XKR4: variants seen among roughly 807,000 people sequenced by gnomAD.
XKR4 encodes XK related 4, also known as XK-related protein 4.
A neutral mutation model predicts 53.9 loss-of-function variants in XKR4; 12 were observed. The ratio of observed to expected loss-of-function variants is 0.22; its 90% CI spans 0.14 to 0.36. The LOEUF is 0.36. Among genes scored for constraint, XKR4 ranks in the 10% least tolerant of loss-of-function variants. XKR4 has a pLI of 1.00. For synonymous variants in XKR4, 354 were observed against 362.4 expected (o/e 0.98, Z 0.26); for missense variants, 799 against 859.5 (o/e 0.93, Z 0.88).
At chr8:55,400,983 A>T (rs552977102) in intron 2 of XKR4, among the ~76,000 whole-genome samples, 2 of 152,356 alleles carry the variant, frequency 1.3e-5, no homozygotes, top group East Asian at 3.9e-4. Context: ...TAACTCAGAC[A>T]TACACACCTA....
chr8:55,265,846 G>A (rs1332467963), intron 1 of XKR4, among the ~76,000 whole-genome samples: 2 of 151,750 alleles, frequency 1.3e-5, no homozygotes, highest in Non-Finnish European at 2.9e-5. Context: ...TTAGCTGGGT[G>A]TGGTGGCATG....
At chr8:55,280,922 C>T (rs1384014568) in intron 1 of XKR4, among the ~76,000 whole-genome samples, 4 of 152,128 alleles carry the variant, frequency 2.6e-5, no homozygotes, top group Non-Finnish European at 5.9e-5. Context: ...ATTAAATCTT[C>T]CAATGAACAG....
chr8:55,392,986 G>A (rs1804463627), intron 2 of XKR4, among the ~76,000 whole-genome samples: 2 of 151,982 alleles, frequency 1.3e-5, no homozygotes, highest in African/African-American at 4.8e-5. Context: ...TTCCCCTGTT[G>A]ATGAGGGGAA....
At chr8:55,465,838 A>G (rs1805758782) in intron 2 of XKR4, among the ~76,000 whole-genome samples, 1 of 152,178 alleles carries the variant, frequency 6.6e-6, no homozygotes, top group African/African-American at 2.4e-5. Context: ...ATATGAACAG[A>G]CACTTCTCAA....
chr8:55,375,995 C>T (rs553620445), intron 2 of XKR4, among the ~76,000 whole-genome samples: 1 of 152,238 alleles, frequency 6.6e-6, no homozygotes, highest in East Asian at 1.9e-4. Context: ...TTTTCTGTTC[C>T]TATATTAGTT....
intron 1 of XKR4, among the ~76,000 whole-genome samples, chr8:55,340,208 T>G (rs1000598703): frequency 1.3e-5 from 2 of 152,136 alleles, no homozygotes; most frequent in Non-Finnish European, 2.9e-5. Context: ...TTAAAGTCCT[T>G]TATATTTGAA....
chr8:55,508,114 C>T (rs1806571750), intron 2 of XKR4, among the ~76,000 whole-genome samples: 1 of 152,004 alleles, frequency 6.6e-6, no homozygotes, highest in African/African-American at 2.4e-5. Context: ...ATACAAATTC[C>T]TAATTGAAAA....
intron 2 of XKR4, chr8:55,517,735 C>A (rs903665361): frequency 2.0e-5 from 3 of 152,176 alleles, no homozygotes; most frequent in African/African-American, 7.2e-5. Context: ...CCAGGTCGGG[C>A]CTTCCAAGCT....
intron 1 of XKR4, among the ~76,000 whole-genome samples, chr8:55,250,582 C>T (rs114183562): frequency 0.015 from 2,282 of 152,256 alleles, 62 homozygotes; most frequent in African/African-American, 0.051. Flanking sequence ...CATTTCAGCT[C>T]ATCCTGTACA....
At chr8:55,214,201 G>A (rs1007385016) in intron 1 of XKR4, among the ~76,000 whole-genome samples, 8 of 151,998 alleles carry the variant, frequency 5.3e-5, no homozygotes, top group African/African-American at 1.9e-4. Flanking sequence ...TTCAGACAAA[G>A]TAAAATAAAA....
Position 55,157,387 on chromosome 8 carries a change from G to T in XKR4, c.806+54093G>T, listed in dbSNP as rs545852579. ...AATAACACTAGATAACATGATAAGA[G>T]GGAGATGTGGTCTGTTTTGTTATTT... On this transcript the variant is annotated intron_variant, in intron 1 of 2. Coordinates refer to ENST00000327381, the MANE Select transcript of XKR4 (RefSeq NM_052898.2). Among the ~76,000 whole-genome samples, 210 of 152,244 alleles carry T rather than the reference G, an allele frequency of 1.4e-3. 2 individuals carry two copies. The highest frequency in any genetic ancestry group is 4.6e-3 in the African/African-American group (190 of 41,548).
intron 2 of XKR4, among the ~76,000 whole-genome samples, chr8:55,468,160 C>T (rs952464482): frequency 3.3e-5 from 5 of 152,096 alleles, no homozygotes; most frequent in Non-Finnish European, 7.4e-5. Flanking sequence ...CATTGCCCAT[C>T]CATCTTCTGA....
At chr8:55,156,608 G>GT (rs1363426990) in intron 1 of XKR4, among the ~76,000 whole-genome samples, 5 of 152,198 alleles carry the variant, frequency 3.3e-5, no homozygotes, top group African/African-American at 1.2e-4. Context: ...AGTGCTTGGG[G>GT]TATGGGATTG....
intron 1 of XKR4, among the ~76,000 whole-genome samples, chr8:55,187,536 G>A (rs1160562638): frequency 2.6e-5 from 4 of 152,094 alleles, no homozygotes; most frequent in Non-Finnish European, 5.9e-5. Flanking sequence ...CCCTTCTCAG[G>A]AATCTGACCA....
rs1817258543 is a variant in XKR4, at chr8:55,178,227, C to G, written c.806+74933C>G. On this transcript the variant is annotated intron_variant, in intron 1 of 2. Coordinates refer to ENST00000327381, the MANE Select transcript of XKR4 (RefSeq NM_052898.2). The stretch of plus-strand genomic sequence containing the variant: ...ACACTTAATTGTAGAAGTGGACAGT[C>G]ATATAGTTTAATCCTCTCATTGTCT... Among the ~76,000 whole-genome samples, 6 of 152,120 alleles carry G rather than the reference C, an allele frequency of 3.9e-5. No individual in the cohort carries two copies. The South Asian group carries it at 1.2e-3, about 32-fold the overall frequency.
chr8:55,161,344 T>A (rs1816981699), intron 1 of XKR4: 1 of 348,944 alleles, frequency 2.9e-6, no homozygotes. Flanking sequence ...TATTCAAATG[T>A]GTTCATAGCA....
At chr8:55,373,117 T>C (rs1004809651) in intron 2 of XKR4, among the ~76,000 whole-genome samples, 3 of 152,170 alleles carry the variant, frequency 2.0e-5, no homozygotes, top group Non-Finnish European at 2.9e-5. Flanking sequence ...AACTCAGCTG[T>C]AGAAAAAGTC....
chr8:55,183,227 G>T (rs1036707811), intron 1 of XKR4, among the ~76,000 whole-genome samples: 3 of 150,678 alleles, frequency 2.0e-5, no homozygotes, highest in African/African-American at 7.3e-5. Flanking sequence ...ATTGATTTCT[G>T]CTCTAATATG....
chr8:55,375,496 C>A (rs76559405), intron 2 of XKR4, among the ~76,000 whole-genome samples: 1,715 of 152,234 alleles, frequency 0.011, 15 homozygotes, highest in African/African-American at 0.026. Context: ...TTGGTCTGGG[C>A]TGAGCTCCTT....
Sources: gnomAD v4.1 joint callset for allele counts (sites outside exome capture counted in the v4.1 genomes callset) on GRCh38, gnomAD v4.1.1 for gene constraint, MANE v1.5 for transcripts, NCBI Gene and HGNC (gene_info 2026-07-23, HGNC 2026-07-21) for gene names.